The following MTA2 variants were observed in gnomAD, a reference collection of about 807,000 sequenced individuals.
MTA2 encodes metastasis associated 1 family member 2, also known as metastasis-associated protein MTA2.
Under a neutral mutation model 87.1 loss-of-function variants are expected in MTA2, and 22 were observed. The ratio of observed to expected loss-of-function variants is 0.25; its 90% CI spans 0.18 to 0.36. The LOEUF (loss-of-function observed/expected upper bound fraction) is 0.36, where lower values mean the gene tolerates loss of function less well. Among genes scored for constraint, MTA2 ranks in the 10% least tolerant of loss-of-function variants. MTA2 has a pLI of 1.00. For synonymous variants in MTA2, 314 were observed against 310.1 expected, an observed-to-expected ratio of 1.01 and a Z score of -0.13; for missense variants, 542 against 853.2, an observed-to-expected ratio of 0.64 and a Z score of 4.54.
chr11:62,598,305 T>C (rs2134325785), intron 5 of MTA2, 22 bp downstream of exon 5: 2 of 1,612,584 alleles, frequency 1.2e-6, no homozygotes, highest in East Asian at 4.5e-5. Context: ...CCCTCGCTCT[T>C]CTCTCAACAT....
In MTA2 at chr11:62,593,776, T is replaced by C; in HGVS notation, c.*99A>G. 6.8e-7 allele frequency: 1 copy of C among 1,464,640 alleles called. No homozygotes were observed. Among genetic ancestry groups the C allele is most frequent in the Non-Finnish European group, 9.3e-7 (1 of 1,071,200 alleles). The allele number at this position is 1,464,640 out of a possible 1,614,324, so 90.7% of individuals were successfully genotyped here. On this transcript the variant is annotated 3_prime_UTR_variant, in exon 18 of 18. Transcript: ENST00000278823. ...CACACTCACTTGCTCTCTTCCTTAA[T>C]TCACTCCTCACTCCCTTCGACACGA...
Position 62,593,892 on chromosome 11 carries a change from T to C in MTA2, c.1990A>G (p.Ile664Val), listed in dbSNP as rs1485977624. The C allele has an allele frequency of 6.2e-7, 1 of 1,614,048 alleles. No homozygotes were observed. Among genetic ancestry groups the C allele is most frequent in the South Asian group, 1.1e-5 (1 of 91,078 alleles). ...ACAGGTGCTCAGTCCTCCAGGACAATAGGCTCATTGGTGCTGGCAGGATGT... is the reference window on the plus strand; with the variant it reads ...ACAGGTGCTCAGTCCTCCAGGACAACAGGCTCATTGGTGCTGGCAGGATGT... Reference protein sequence around the residue: ...PSHPASTNEPIVLED With the variant: ...PSHPASTNEPVVLED The change falls in exon 18 of 18, where the codon ATT becomes GTT. Residue 664 changes from isoleucine to valine, a missense_variant. Ile to Val is a conservative substitution (Grantham distance 29). Coordinates refer to ENST00000278823, the MANE Select transcript of MTA2 (RefSeq NM_004739.4).
Position 62,596,655 on chromosome 11 carries a change from A to G in MTA2, c.864T>C (p.Asn288=). Residue 288 remains asparagine, a synonymous_variant, in exon 9 of 18, where the codon AAT becomes AAC. Transcript: ENST00000278823. ...CACTTACAAAATCCTGGCGAATATC[A>G]TTGAAGTCCTTCCCATACTTCTCTA... ...EALEKYGKDF[N]DIRQDFLPWK... The G allele has an allele frequency of 1.2e-6, 2 of 1,612,684 alleles. No individual in the cohort carries two copies. Among genetic ancestry groups the G allele is most frequent in the Non-Finnish European group, 8.5e-7 (1 of 1,179,160 alleles).
chr11:62,601,806 C>A lies in MTA2; in HGVS notation c.-356G>T, dbSNP rs1453198942. The stretch of plus-strand genomic sequence containing the variant: ...GGCCGCAGGGAAGGCTTGCCGGGCC[C>A]GCCTCAGGGTTCGCCTCCTTCCGGA... On this transcript the variant is annotated 5_prime_UTR_variant, in exon 1 of 18. Coordinates refer to ENST00000278823, the MANE Select transcript of MTA2 (RefSeq NM_004739.4). The A allele has an allele frequency of 1.0e-5, 5 of 501,840 alleles. No homozygotes were observed. Among genetic ancestry groups the A allele is most frequent in the Middle Eastern group, 5.0e-4 (1 of 2,008 alleles). 31.1% of individuals were successfully genotyped at this position (501,840 alleles called of 1,614,324 possible). A position where few individuals can be genotyped will look rare whatever the true frequency, so the allele number is the denominator to read the frequency against.
Position 62,596,628 on chromosome 11 carries a change from T to G in MTA2, c.882+9A>C, listed in dbSNP as rs367692244. ...TCTCCCACTTCTCCTCCTAGTGCCA[T>G]CCACTTACAAAATCCTGGCGAATAT... is the stretch of plus-strand genomic sequence containing the variant. On this transcript the variant is annotated intron_variant, in intron 9 of 17. Coordinates refer to ENST00000278823, the MANE Select transcript of MTA2 (RefSeq NM_004739.4). 3 of 1,611,858 alleles carry G rather than the reference T, an allele frequency of 1.9e-6. No homozygotes were observed. The highest frequency in any genetic ancestry group is 2.5e-6 in the Non-Finnish European group (3 of 1,178,598).
chr11:62,601,218 G>T, intron 1 of MTA2: 1 of 624,300 alleles, frequency 1.6e-6, no homozygotes, highest in Non-Finnish European at 2.7e-6. Context: ...GGGGCTGCCC[G>T]CAGCTTCTCT....
At chr11:62,600,028 TC>T in intron 3 of MTA2, 137 bp downstream of exon 3, 1 of 701,522 alleles carries the variant, frequency 1.4e-6, no homozygotes, top group Non-Finnish European at 2.4e-6. Context: ...AAAACAGGCC[TC>T]CCTCCTCAGG....
intron 15 of MTA2, 38 bp from the exon 16 acceptor site, chr11:62,594,672 C>G (rs755419768): frequency 6.4e-7 from 1 of 1,568,616 alleles, no homozygotes; most frequent in African/African-American, 1.4e-5. Flanking sequence ...CTTTTCTTCC[C>G]ACGCAGTTCC....
At chr11:62,600,586 T>G in intron 2 of MTA2, 36 bp downstream of exon 2, 1 of 1,590,222 alleles carries the variant, frequency 6.3e-7, no homozygotes, top group South Asian at 1.1e-5. Context: ...AAGAGACCAC[T>G]GCGGGAGGGA....
intron 1 of MTA2, 142 bp downstream of exon 1, chr11:62,601,281 G>T: frequency 9.4e-7 from 1 of 1,066,730 alleles, no homozygotes; most frequent in South Asian, 1.4e-5. Context: ...CTCTCTCCTC[G>T]TCTCCCGGTT....
rs766291868 is a variant in MTA2 at position 62,595,919 on chromosome 11, G to A, written c.1115-28C>T. ...GTAGAGTACGGAGAGGAGGGGGACAGGGAAGAAGCATACTACCTAAGCCCC... is the reference window on the plus strand; with the variant it reads ...GTAGAGTACGGAGAGGAGGGGGACAAGGAAGAAGCATACTACCTAAGCCCC... On this transcript the variant is annotated intron_variant, in intron 12 of 17. Transcript: ENST00000278823. This position sits in a 1 kb window ranked among gnomAD's most constrained non-coding sequence, Gnocchi z 4.9. 4 of 1,614,094 alleles carry A rather than the reference G, an allele frequency of 2.5e-6. No individual in the cohort carries two copies. Among genetic ancestry groups the A allele is most frequent in the Non-Finnish European group, 3.4e-6 (4 of 1,180,018 alleles).
At chr11:62,600,522 T>C in intron 2 of MTA2, 100 bp downstream of exon 2, 3 of 1,125,800 alleles carry the variant, frequency 2.7e-6, no homozygotes, top group Non-Finnish European at 2.6e-6. Flanking sequence ...TGAACGAATA[T>C]GAATGGGTAC....
Position 62,595,990 on chromosome 11 carries a change from C to A in MTA2, c.1114+20G>T. The A allele has an allele frequency of 3.1e-6, 5 of 1,614,104 alleles. No individual in the cohort carries two copies. The South Asian group carries it at 4.4e-5, about 14-fold the overall frequency. ...AGGCCTTCCACCCATCCCCACCATC[C>A]CAGTGCCCCCGTAACTCACTGTGGC... On this transcript the variant is annotated intron_variant, in intron 12 of 17. Transcript: ENST00000278823. The surrounding 1 kb of genome is among the most constrained non-coding windows in gnomAD (Gnocchi z 4.9).
At chr11:62,596,171 C>T in intron 11 of MTA2, 64 bp from the exon 12 acceptor site, 2 of 1,599,458 alleles carry the variant, frequency 1.3e-6, no homozygotes, top group Non-Finnish European at 1.7e-6. Context: ...GAATCAATTT[C>T]CACTCTCAGT....
rs144234697 is a variant in MTA2 at position 62,595,313 on chromosome 11, G to A, written c.1434C>T (p.Ala478=). The A allele has an allele frequency of 3.8e-5, 61 of 1,614,096 alleles. No homozygotes were observed. Among genetic ancestry groups the A allele is most frequent in the Middle Eastern group, 1.6e-4 (1 of 6,084 alleles). The part of the protein sequence containing the change: ...MCRDLLQPRR[A]ARRPYAPINA... The stretch of plus-strand genomic sequence containing the variant: ...TGATAGGAGCATAAGGCCGTCGGGC[G>A]GCCCTCCTTGGCTGTAATAGGTCCC... The change falls in exon 14 of 18, where the codon GCC becomes GCT. Residue 478 remains alanine (A), a synonymous_variant. Coordinates refer to ENST00000278823, the MANE Select transcript of MTA2 (RefSeq NM_004739.4). The surrounding 1 kb of genome is among the most constrained non-coding windows in gnomAD (Gnocchi z 4.9).
chr11:62,594,457 C>CATAG, intron 16 of MTA2, 50 bp from the exon 17 acceptor site: 1 of 1,613,288 alleles, frequency 6.2e-7, no homozygotes, highest in Non-Finnish European at 8.5e-7. Context: ...CTCTCAGACT[C>CATAG]CTATGAGAGA....
At position 62,595,849 on chromosome 11, in the gene MTA2, A is replaced by C. The variant is rs200674563; in HGVS notation, c.1157T>G (p.Met386Arg). 6.2e-7 allele frequency: 1 copy of C among 1,614,186 alleles called. No homozygotes were observed. The highest frequency in any genetic ancestry group is 2.2e-5 in the East Asian group (1 of 44,882). ...AQWYAWGPPNMQCRLCASCWI... is the reference protein window; with the variant it reads ...AQWYAWGPPNRQCRLCASCWI... Reference sequence around the variant, plus strand: ...ACAGGAAGCACAGAGGCGGCACTGCATGTTAGGTGGGCCCCAGGCATACCA... The same window carrying C: ...ACAGGAAGCACAGAGGCGGCACTGCCTGTTAGGTGGGCCCCAGGCATACCA... Residue 386 changes from methionine (M) to arginine (R), a missense_variant, in exon 13 of 18, where the codon ATG becomes AGG. By Grantham distance (91) the Met-to-Arg change is moderately conservative. This residue lies in a region of MTA2 where 46 missense variants were observed against 109.1 expected (regional missense o/e 0.42). Coordinates refer to ENST00000278823, the MANE Select transcript of MTA2 (RefSeq NM_004739.4). This position sits in a 1 kb window ranked among gnomAD's most constrained non-coding sequence, Gnocchi z 4.9.
Position 62,597,322 on chromosome 11 carries a change from G to T in MTA2, c.687C>A (p.Ile229=). ...CCCACCAACTTCTGCTCACCAGAGT[G>T]ATATCTCGGGAGGCAGCAGCTGCAC... ...HMSAAAASRD[I]TLFHAMDTLQ... The change falls in exon 8 of 18, where the codon ATC becomes ATA. Residue 229 remains isoleucine, a synonymous_variant. Coordinates refer to ENST00000278823, the MANE Select transcript of MTA2 (RefSeq NM_004739.4). The T allele has an allele frequency of 6.2e-7, 1 of 1,600,758 alleles. No homozygotes were observed. The highest frequency in any genetic ancestry group is 8.5e-7 in the Non-Finnish European group (1 of 1,175,982).
chr11:62,601,337 C>A, intron 1 of MTA2, 86 bp downstream of exon 1: 2 of 1,521,604 alleles, frequency 1.3e-6, no homozygotes, highest in Middle Eastern at 1.9e-4. Context: ...ATACGCTGCG[C>A]CTCGCGCCAC....
Sources: allele counts gnomAD v4.1 joint callset, GRCh38; gene constraint gnomAD v4.1.1; regional missense constraint gnomAD v4.1.1; non-coding constraint Gnocchi (gnomAD v3.1); transcripts MANE v1.5; gene names NCBI Gene and HGNC (gene_info 2026-07-23, HGNC 2026-07-21).